Variants in MSI2 observed in about 807,000 individuals in gnomAD.
MSI2 encodes RNA-binding protein Musashi homolog 2.
MSI2 carries 17 observed loss-of-function variants against 45.6 expected under a neutral mutation model. The ratio of observed to expected loss-of-function variants is 0.37; its 90% confidence interval spans 0.26 to 0.56. The LOEUF is 0.56. MSI2 is among the 20% of genes least tolerant of loss of function. The probability of loss-of-function intolerance (pLI) is 0.77; values close to 1 mark genes in which losing one functional copy is unlikely to be tolerated. For synonymous variants in MSI2, 156 were observed against 158.2 expected (o/e 0.99, Z 0.11); for missense variants, 293 against 444.2 (o/e 0.66, Z 3.06).
chr17:57,550,614 G>A (rs1454913225), intron 7 of MSI2, among the ~76,000 whole-genome samples: 1 of 152,142 alleles, frequency 6.6e-6, no homozygotes, highest in Admixed American at 6.5e-5. Context: ...AGAATCAGAA[G>A]TGAAGCAAAA....
At chr17:57,544,594 G>A (rs929467540) in intron 7 of MSI2, among the ~76,000 whole-genome samples, 3 of 152,166 alleles carry the variant, frequency 2.0e-5, no homozygotes, top group Admixed American at 6.5e-5. Context: ...AGATTGATTT[G>A]ATAAATAATA....
At chr17:57,335,734 G>A (rs1409997085) in intron 5 of MSI2, among the ~76,000 whole-genome samples, 4 of 152,194 alleles carry the variant, frequency 2.6e-5, no homozygotes, top group African/African-American at 9.7e-5. Context: ...GGGTGAAACG[G>A]GGAGTGTTAT....
At chr17:57,478,126 C>T (rs554396337) in intron 6 of MSI2, among the ~76,000 whole-genome samples, 74 of 152,264 alleles carry the variant, frequency 4.9e-4, no homozygotes, top group African/African-American at 1.7e-3. Context: ...TCTTAGCAGA[C>T]GGTATGCCAC....
At chr17:57,685,863 G>A (rs1322976229), downstream of MSI2, among the ~76,000 whole-genome samples, 2 of 152,210 alleles carry the variant, frequency 1.3e-5, no homozygotes, top group Non-Finnish European at 2.9e-5. Context: ...CCAGACACAT[G>A]AGGCCGGCCA....
chr17:57,362,174 A>G (rs926326728), intron 5 of MSI2, among the ~76,000 whole-genome samples: 11 of 152,208 alleles, frequency 7.2e-5, no homozygotes, highest in African/African-American at 2.4e-4. Context: ...AAACAAAATG[A>G]GGTTGGCTTT....
intron 5 of MSI2, among the ~76,000 whole-genome samples, chr17:57,358,019 C>T (rs80113802): frequency 0.013 from 1,927 of 152,246 alleles, 48 homozygotes; most frequent in African/African-American, 0.044. Flanking sequence ...CTCAGTGAAC[C>T]CCACAGCTTT....
At chr17:57,321,920 C>T (rs1300167836) in intron 5 of MSI2, among the ~76,000 whole-genome samples, 1 of 152,048 alleles carries the variant, frequency 6.6e-6, no homozygotes, top group African/African-American at 2.4e-5. Context: ...CCCCAGCCTC[C>T]CGAGTAGCTG....
intron 11 of MSI2, among the ~76,000 whole-genome samples, chr17:57,660,788 C>CTGCTT (rs1323675672): frequency 6.6e-6 from 1 of 152,172 alleles, no homozygotes; most frequent in African/African-American, 2.4e-5. Flanking sequence ...GGTGGAGGCC[C>CTGCTT]TGCTTTATTC....
rs61623868 is a variant in MSI2, at chr17:57,681,803, AAACAT to A, written c.*2289_*2293del. 23,048 of 190,374 alleles carry A rather than the reference AAACAT, an allele frequency of 0.12. 1,637 individuals are homozygous for A. Among genetic ancestry groups the A allele is most frequent in the African/African-American group, 0.19 (7,902 of 42,470 alleles). 11.8% of individuals were successfully genotyped at this position (190,374 alleles called of 1,614,324 possible). ...AACTTGTTCAAGTCATAAAACAACA[AAACAT>A]AAGTTTTATTTAAAAAAAAAAAAAG... On this transcript the variant is annotated 3_prime_UTR_variant, in exon 14 of 14. Coordinates refer to ENST00000284073, the MANE Select transcript of MSI2 (RefSeq NM_138962.4).
intron 5 of MSI2, among the ~76,000 whole-genome samples, chr17:57,275,434 A>G (rs1430598603): frequency 1.3e-5 from 2 of 152,246 alleles, no homozygotes; most frequent in African/African-American, 4.8e-5. Flanking sequence ...GATATGGAAT[A>G]GTAGGTTTTG....
chr17:57,676,875 A>G (rs1913271891), intron 12 of MSI2, 112 bp from the exon 13 acceptor site: 2 of 782,470 alleles, frequency 2.6e-6, no homozygotes, highest in East Asian at 4.9e-5. Flanking sequence ...AGAATTACAT[A>G]TTCATGCTGG....
intron 10 of MSI2, chr17:57,631,438 T>G: frequency 4.3e-6 from 1 of 234,118 alleles, no homozygotes; most frequent in Non-Finnish European, 8.2e-6. Flanking sequence ...CCATGTGACA[T>G]GGGGCTGCAC....
intron 5 of MSI2, chr17:57,267,918 C>G (rs892132840): frequency 2.9e-4 from 44 of 152,118 alleles, no homozygotes; most frequent in African/African-American, 8.7e-4. Flanking sequence ...GAAACCTGTC[C>G]TTTTGCAGAT....
At chr17:57,321,091 G>C (rs917261938) in intron 5 of MSI2, among the ~76,000 whole-genome samples, 2 of 151,104 alleles carry the variant, frequency 1.3e-5, no homozygotes, top group African/African-American at 4.9e-5. Flanking sequence ...AATTGGCGGT[G>C]GGGGGGATGG....
intron 6 of MSI2, among the ~76,000 whole-genome samples, chr17:57,406,415 A>G (rs1241803535): frequency 6.6e-6 from 1 of 152,088 alleles, no homozygotes; most frequent in African/African-American, 2.4e-5. Context: ...CACTTATAGG[A>G]TTTTGGAGAT....
Position 57,596,792 on chromosome 17 carries a change from A to T in MSI2, c.455-76A>T. 1 of 1,028,778 alleles carries T rather than the reference A, an allele frequency of 9.7e-7. No homozygotes were observed. The highest frequency in any genetic ancestry group is 1.5e-6 in the Non-Finnish European group (1 of 656,108). 63.7% of individuals were successfully genotyped at this position (1,028,778 alleles called of 1,614,324 possible). ...GAGGCTGTCAAGACCTCAGGACGTCAGAGAAAAACCTGGGCCTGCCAGAAC... is the reference window on the plus strand; with the variant it reads ...GAGGCTGTCAAGACCTCAGGACGTCTGAGAAAAACCTGGGCCTGCCAGAAC... On this transcript the variant is annotated intron_variant, in intron 7 of 13. Coordinates refer to ENST00000284073, the MANE Select transcript of MSI2 (RefSeq NM_138962.4). This position sits in a 1 kb window ranked among gnomAD's most constrained non-coding sequence, Gnocchi z 4.6.
chr17:57,608,763 T>C (rs771576166), intron 8 of MSI2, among the ~76,000 whole-genome samples: 1 of 152,092 alleles, frequency 6.6e-6, no homozygotes. Flanking sequence ...ACAGTAGGAG[T>C]TGAACTCTGA....
chr17:57,451,937 G>T (rs1176696983), intron 6 of MSI2, among the ~76,000 whole-genome samples: 1 of 152,196 alleles, frequency 6.6e-6, no homozygotes, highest in Non-Finnish European at 1.5e-5. Context: ...AAGCCTTGGG[G>T]AAGAGGAGTA....
chr17:57,416,971 T>C (rs1466289423), intron 6 of MSI2, among the ~76,000 whole-genome samples: 1 of 152,078 alleles, frequency 6.6e-6, no homozygotes, highest in Non-Finnish European at 1.5e-5. Flanking sequence ...CCCACCCATG[T>C]GGGGCTTGTG....
Sources: allele counts gnomAD v4.1 joint callset (sites outside exome capture counted in the v4.1 genomes callset), GRCh38; gene constraint gnomAD v4.1.1; non-coding constraint Gnocchi (gnomAD v3.1); transcripts MANE v1.5; gene names NCBI Gene and HGNC (gene_info 2026-07-23, HGNC 2026-07-21).